Variants in IL1RAPL2 observed in about 807,000 individuals in gnomAD.
IL1RAPL2 encodes interleukin 1 receptor accessory protein like 2.
A neutral mutation model predicts 44.1 loss-of-function variants in IL1RAPL2; 3 were observed. That is an observed-to-expected ratio of 0.07 (90% CI 0.03 to 0.18). The LOEUF is 0.18. Among genes scored for constraint, IL1RAPL2 ranks in the 10% least tolerant of loss-of-function variants. The pLI is 1.00. For synonymous variants in IL1RAPL2, 181 were observed against 178.8 expected, an observed-to-expected ratio of 1.01 and a Z score of -0.10; for missense variants, 391 against 496.4, an observed-to-expected ratio of 0.79 and a Z score of 2.02.
In IL1RAPL2 at chrX:105,040,844, A is replaced by G. The variant is rs1427868508; in HGVS notation, c.83-154631A>G. Among the ~76,000 whole-genome samples the G allele has an allele frequency of 5.8e-5, 6 of 102,836 alleles. No homozygotes were observed. The East Asian group carries it at 1.2e-3, about 21-fold the overall frequency. The allele number at this position is 102,836 out of a possible 115,157, so 89.3% of individuals were successfully genotyped here. A position where few individuals can be genotyped will look rare whatever the true frequency, so the allele number is the denominator to read the frequency against. On this transcript the variant is annotated intron_variant, in intron 2 of 10. Coordinates refer to ENST00000372582, the MANE Select transcript of IL1RAPL2 (RefSeq NM_017416.2). ...CAAAAAACCAGCTCCTGGATTCATTAATTTTTTGAAGGGTTTTTTGTGTCT... is the reference window on the plus strand; with the variant it reads ...CAAAAAACCAGCTCCTGGATTCATTGATTTTTTGAAGGGTTTTTTGTGTCT...
intron 1 of IL1RAPL2, chrX:104,648,104 C>T (rs1432604254): frequency 4.8e-6 from 2 of 419,623 alleles, no homozygotes; most frequent in Non-Finnish European, 8.5e-6. Flanking sequence ...CATACACATA[C>T]ACACACATTC....
intron 2 of IL1RAPL2, among the ~76,000 whole-genome samples, chrX:105,152,247 A>G (rs2033234042): frequency 8.9e-6 from 1 of 112,282 alleles, no homozygotes; most frequent in South Asian, 3.7e-4. Flanking sequence ...TTTCAGGTAT[A>G]TACTGCTGAA....
intron 1 of IL1RAPL2, among the ~76,000 whole-genome samples, chrX:104,632,696 T>C (rs1929679789): frequency 9.2e-6 from 1 of 108,675 alleles, no homozygotes; most frequent in Non-Finnish European, 1.9e-5. Flanking sequence ...TGATTTTGTA[T>C]CCTGAGACTT....
intron 2 of IL1RAPL2, among the ~76,000 whole-genome samples, chrX:104,946,589 C>G (rs1322794090): frequency 5.2e-5 from 4 of 76,426 alleles, no homozygotes; most frequent in Non-Finnish European, 7.2e-5. Context: ...CAACAGTCCC[C>G]AGAGTGTGAT....
chrX:104,833,710 C>T (rs2147630587), intron 2 of IL1RAPL2, among the ~76,000 whole-genome samples: 1 of 111,508 alleles, frequency 9.0e-6, no homozygotes, highest in South Asian at 3.8e-4. Flanking sequence ...ATAGTTGGAG[C>T]ATAAAGACTT....
Position 105,632,900 on chromosome X carries a change from C to G in IL1RAPL2, c.773-84467C>G, listed in dbSNP as rs770226705. On this transcript the variant is annotated intron_variant, in intron 6 of 10. Transcript: ENST00000372582. ...TGAGTTTCAGCCATACCCAGTTGTG[C>G]AAGTTTTACACAAAACCCAGTTTAT... Among the ~76,000 whole-genome samples the G allele has an allele frequency of 4.5e-5, 5 of 111,895 alleles. No homozygotes were observed. The South Asian group carries it at 1.8e-3, about 41-fold the overall frequency.
At chrX:105,047,926 A>G (rs1257232303) in intron 2 of IL1RAPL2, among the ~76,000 whole-genome samples, 2 of 111,906 alleles carry the variant, frequency 1.8e-5, no homozygotes, top group Non-Finnish European at 3.8e-5. Context: ...AGGGAAAAGA[A>G]GAGAGATAGA....
chrX:105,074,898 T>A (rs1460953346), intron 2 of IL1RAPL2, among the ~76,000 whole-genome samples: 1 of 111,257 alleles, frequency 9.0e-6, no homozygotes, highest in African/African-American at 3.3e-5. Flanking sequence ...TTTTGTAACC[T>A]GAGACTTTGC....
At chrX:105,574,592 A>G (rs372816418) in intron 6 of IL1RAPL2, among the ~76,000 whole-genome samples, 3 of 112,185 alleles carry the variant, frequency 2.7e-5, no homozygotes, top group East Asian at 5.7e-4. Context: ...GGATCAACTA[A>G]GAGGAACATG....
intron 2 of IL1RAPL2, among the ~76,000 whole-genome samples, chrX:105,086,012 G>T (rs2032474927): frequency 9.0e-6 from 1 of 111,299 alleles, no homozygotes; most frequent in Admixed American, 9.6e-5. Context: ...AGAGGAGGGG[G>T]TTGGTCTTGC....
chrX:105,639,741 G>C (rs2037550808), intron 6 of IL1RAPL2, among the ~76,000 whole-genome samples: 1 of 110,092 alleles, frequency 9.1e-6, no homozygotes, highest in Non-Finnish European at 1.9e-5. Flanking sequence ...CCCTTATTAG[G>C]CTACTCTCCT....
intron 2 of IL1RAPL2, among the ~76,000 whole-genome samples, chrX:105,078,655 C>T (rs945913023): frequency 1.8e-5 from 2 of 112,678 alleles, no homozygotes; most frequent in Non-Finnish European, 3.8e-5. Flanking sequence ...GGCAGGCAGG[C>T]CTCCTTGAGC....
At chrX:105,068,766 C>T (rs1283726948) in intron 2 of IL1RAPL2, among the ~76,000 whole-genome samples, 4 of 111,929 alleles carry the variant, frequency 3.6e-5, no homozygotes, top group Non-Finnish European at 7.5e-5. Context: ...AAAAGGTAGT[C>T]TATTTCACTC....
intron 5 of IL1RAPL2, among the ~76,000 whole-genome samples, chrX:105,475,597 G>A (rs1280179521): frequency 9.1e-6 from 1 of 109,511 alleles, no homozygotes; most frequent in Non-Finnish European, 1.9e-5. Context: ...AACAATATAA[G>A]GGTCCAGGGA....
intron 6 of IL1RAPL2, among the ~76,000 whole-genome samples, chrX:105,540,572 G>C (rs2147796940): frequency 9.2e-6 from 1 of 108,131 alleles, no homozygotes; most frequent in East Asian, 2.9e-4. Context: ...GTAGTCCCAT[G>C]ACTTTGATTA....
chrX:104,951,655 T>C (rs1925589189), intron 2 of IL1RAPL2, among the ~76,000 whole-genome samples: 1 of 112,636 alleles, frequency 8.9e-6, no homozygotes, highest in Non-Finnish European at 1.9e-5. Flanking sequence ...AGCATTGGCT[T>C]TGCAATGGAA....
intron 2 of IL1RAPL2, among the ~76,000 whole-genome samples, chrX:104,958,390 G>A (rs1410717702): frequency 9.3e-6 from 1 of 107,532 alleles, no homozygotes; most frequent in Non-Finnish European, 1.9e-5. Flanking sequence ...TAGTCCTGGT[G>A]TTCAGGACTG....
intron 6 of IL1RAPL2, among the ~76,000 whole-genome samples, chrX:105,672,777 A>AT (rs1482953526): frequency 1.8e-5 from 2 of 111,507 alleles, no homozygotes; most frequent in Non-Finnish European, 3.8e-5. Flanking sequence ...ATGGTACCAT[A>AT]TTTTTTTCTG....
chrX:105,348,141 A>G (rs905879030), intron 5 of IL1RAPL2, among the ~76,000 whole-genome samples: 1 of 111,779 alleles, frequency 8.9e-6, no homozygotes, highest in African/African-American at 3.3e-5. Flanking sequence ...CAATTCTTTG[A>G]TAGCCGGTTC....
Sources: gnomAD v4.1 joint callset for allele counts (sites outside exome capture counted in the v4.1 genomes callset) on GRCh38, gnomAD v4.1.1 for gene constraint, MANE v1.5 for transcripts, NCBI Gene and HGNC (gene_info 2026-07-23, HGNC 2026-07-21) for gene names.